The following MYO3B variants were observed in gnomAD, a reference collection of about 807,000 sequenced individuals.
MYO3B encodes the protein myosin IIIB, also known as myosin-IIIb.
A neutral mutation model predicts 174.6 loss-of-function variants in MYO3B; 156 were observed. The observed-to-expected ratio is 0.89, with a 90% confidence interval of 0.78 to 1.02. The LOEUF is 1.02. Ranked by LOEUF, MYO3B falls within the 50% of genes least tolerant of loss-of-function variation. The pLI is 0.00. For missense variants in MYO3B, 1,632 were observed against 1,639.4 expected, an observed-to-expected ratio of 1.00 and a Z score of 0.08; for synonymous variants, 563 against 569.1, an observed-to-expected ratio of 0.99 and a Z score of 0.15.
chr2:170,330,949 A>G (rs1400561591), intron 7 of MYO3B, among the ~76,000 whole-genome samples: 24 of 152,224 alleles, frequency 1.6e-4, no homozygotes, highest in Admixed American at 1.6e-3. Context: ...CCTACCTGCA[A>G]CATGTATATG....
intron 28 of MYO3B, among the ~76,000 whole-genome samples, chr2:170,513,285 G>A (rs1688094331): frequency 6.6e-6 from 1 of 152,178 alleles, no homozygotes; most frequent in Non-Finnish European, 1.5e-5. Context: ...CAGTTCTAGA[G>A]GCTAGAAGTC....
intron 18 of MYO3B, 129 bp downstream of exon 18, chr2:170,401,820 G>A: frequency 1.2e-5 from 7 of 591,156 alleles, no homozygotes; most frequent in Non-Finnish European, 1.8e-5. Context: ...TTTTTTTTGT[G>A]GAGTCAGAGT....
chr2:170,272,082 C>CTTT (rs202163461), intron 7 of MYO3B, among the ~76,000 whole-genome samples: 120,694 of 147,238 alleles, frequency 0.82, 50,689 homozygotes, highest in East Asian at 0.94. Context: ...AGAAGGGAAA[C>CTTT]TTTTTTTTTT....
chr2:170,602,865 G>C (rs902430635), intron 32 of MYO3B, among the ~76,000 whole-genome samples: 1 of 152,086 alleles, frequency 6.6e-6, no homozygotes, highest in Admixed American at 6.5e-5. Flanking sequence ...TCGGGAGTTT[G>C]AGACCAGCCT....
rs1306813179 is a variant in MYO3B, at chr2:170,651,845, C to G, written c.3840+111C>G. The G allele has an allele frequency of 3.9e-6, 3 of 764,178 alleles. No individual in the cohort carries two copies. In the South Asian group the frequency reaches 4.6e-5, roughly 12 times the overall value. 47.3% of individuals were successfully genotyped at this position (764,178 alleles called of 1,614,324 possible). ...AGCCCCACCCCCACCCTCATGCTCT[C>G]GTCTTGAACATGTGCTTAGGCTCTT... On this transcript the variant is annotated intron_variant, in intron 33 of 34. Transcript: ENST00000408978.
At chr2:170,477,684 T>C (rs1486270576) in intron 25 of MYO3B, among the ~76,000 whole-genome samples, 2 of 150,952 alleles carry the variant, frequency 1.3e-5, no homozygotes, top group Non-Finnish European at 2.9e-5. Flanking sequence ...GTTTAGTAGC[T>C]TCTTTCTAGA....
intron 32 of MYO3B, among the ~76,000 whole-genome samples, chr2:170,560,493 A>G (rs1309510840): frequency 6.6e-6 from 1 of 152,274 alleles, no homozygotes; most frequent in African/African-American, 2.4e-5. Context: ...ATACGTGAAG[A>G]CTCAGTGTTC....
At chr2:170,260,155 G>C (rs116547798) in intron 7 of MYO3B, among the ~76,000 whole-genome samples, 5,037 of 152,292 alleles carry the variant, frequency 0.033, 120 homozygotes, top group South Asian at 0.099. Context: ...AAGCAGTTTT[G>C]AGATTTCTCA....
intron 28 of MYO3B, among the ~76,000 whole-genome samples, chr2:170,508,978 C>T (rs1195627823): frequency 1.3e-5 from 2 of 151,836 alleles, no homozygotes; most frequent in Non-Finnish European, 2.9e-5. Context: ...ATGTTACTTC[C>T]CTCTCTGTAC....
intron 32 of MYO3B, among the ~76,000 whole-genome samples, chr2:170,558,658 C>T (rs1466828832): frequency 1.3e-5 from 2 of 152,114 alleles, no homozygotes; most frequent in African/African-American, 4.8e-5. Flanking sequence ...GATGAGAGCA[C>T]ACTTTATGCA....
At chr2:170,627,916 G>A (rs932578408) in intron 32 of MYO3B, among the ~76,000 whole-genome samples, 52 of 152,278 alleles carry the variant, frequency 3.4e-4, no homozygotes, top group African/African-American at 9.4e-4. Flanking sequence ...TGGAGGTTTC[G>A]TCTCAGAGGG....
intron 25 of MYO3B, among the ~76,000 whole-genome samples, chr2:170,497,902 G>A (rs1686985161): frequency 7.0e-6 from 1 of 143,806 alleles, no homozygotes; most frequent in African/African-American, 2.6e-5. Flanking sequence ...CCGAGATGGC[G>A]CCACTGGACT....
rs370890560 is a variant in MYO3B, at chr2:170,352,610, G to A, written c.816-16612G>A. 2.0e-5 allele frequency among the ~76,000 whole-genome samples: 3 copies of A among 152,242 alleles called. No homozygotes were observed. In the East Asian group the frequency reaches 5.8e-4, roughly 29 times the overall value. The stretch of plus-strand genomic sequence containing the variant: ...CTGGTTGCGGATAGGGGTGGGAGTG[G>A]GGCTGATTTTCAGTGTTTACTCGTT... On this transcript the variant is annotated intron_variant, in intron 8 of 34. Transcript: ENST00000408978.
chr2:170,501,057 A>G (rs1384260249), intron 27 of MYO3B, among the ~76,000 whole-genome samples: 2 of 149,816 alleles, frequency 1.3e-5, no homozygotes, highest in African/African-American at 4.9e-5. Context: ...CTCACCCAGC[A>G]ACTTCGAGAG....
chr2:170,412,789 A>T (rs1215165043), intron 22 of MYO3B, among the ~76,000 whole-genome samples: 2 of 152,220 alleles, frequency 1.3e-5, no homozygotes, highest in African/African-American at 2.4e-5. Flanking sequence ...GCTGAATCTA[A>T]TTGACAAAAT....
intron 7 of MYO3B, among the ~76,000 whole-genome samples, chr2:170,300,549 G>C (rs2093659344): frequency 6.6e-6 from 1 of 152,132 alleles, no homozygotes; most frequent in South Asian, 2.1e-4. Flanking sequence ...GAGGGCATTT[G>C]GTGCCTGGAT....
At chr2:170,364,967 T>C (rs1375332997) in intron 8 of MYO3B, among the ~76,000 whole-genome samples, 1 of 152,202 alleles carries the variant, frequency 6.6e-6, no homozygotes, top group Non-Finnish European at 1.5e-5. Flanking sequence ...GCTTGTCTAG[T>C]CTGCTTCTTG....
chr2:170,257,755 C>A (rs899531950), intron 7 of MYO3B, among the ~76,000 whole-genome samples: 3 of 151,516 alleles, frequency 2.0e-5, no homozygotes, highest in Non-Finnish European at 4.4e-5. Flanking sequence ...AATAGAGGCT[C>A]CAAAATACAA....
intron 7 of MYO3B, among the ~76,000 whole-genome samples, chr2:170,314,512 C>T (rs1458701101): frequency 6.6e-6 from 1 of 152,154 alleles, no homozygotes; most frequent in African/African-American, 2.4e-5. Flanking sequence ...CATCTTATCA[C>T]CTTTCATTAG....
Sources: gnomAD v4.1 joint callset for allele counts (sites outside exome capture counted in the v4.1 genomes callset) on GRCh38, gnomAD v4.1.1 for gene constraint, MANE v1.5 for transcripts, NCBI Gene and HGNC (gene_info 2026-07-23, HGNC 2026-07-21) for gene names.